The following GAS2 variants were observed in gnomAD, a reference collection of about 807,000 sequenced individuals.
GAS2 encodes the protein growth arrest-specific protein 2.
Under a neutral mutation model 37.5 loss-of-function variants are expected in GAS2, and 20 were observed. The ratio of observed to expected loss-of-function variants is 0.53; its 90% CI spans 0.37 to 0.77. GAS2 has a LOEUF of 0.77. Ranked by LOEUF, GAS2 falls within the 30% of genes least tolerant of loss-of-function variation. The pLI is 0.00. For missense variants in GAS2, 336 were observed against 373.4 expected, an observed-to-expected ratio of 0.90 and a Z score of 0.82; for synonymous variants, 144 against 132.2, an observed-to-expected ratio of 1.09 and a Z score of -0.61.
chr11:22,701,581 C>A (rs1355561895), intron 3 of GAS2, among the ~76,000 whole-genome samples: 1 of 152,162 alleles, frequency 6.6e-6, no homozygotes, highest in Non-Finnish European at 1.5e-5. Context: ...GTAATCCCAG[C>A]ACTTTGGGAG....
chr11:22,681,695 T>A (rs1257102758), intron 2 of GAS2, among the ~76,000 whole-genome samples: 2 of 152,202 alleles, frequency 1.3e-5, no homozygotes, highest in Admixed American at 1.3e-4. Context: ...AGGTGCACAA[T>A]TTAAACTAAA....
At chr11:22,694,196 G>A (rs1850385889) in intron 3 of GAS2, among the ~76,000 whole-genome samples, 1 of 152,098 alleles carries the variant, frequency 6.6e-6, no homozygotes, top group South Asian at 2.1e-4. Flanking sequence ...TTAGGGAATT[G>A]ACTTTCAATT....
chr11:22,700,965 C>T (rs1850809144), intron 3 of GAS2, among the ~76,000 whole-genome samples: 1 of 152,134 alleles, frequency 6.6e-6, no homozygotes, highest in Non-Finnish European at 1.5e-5. Flanking sequence ...TTCCCAATAA[C>T]TGCCTCTTTT....
chr11:22,678,715 G>A (rs903142497), intron 2 of GAS2, among the ~76,000 whole-genome samples: 1 of 151,772 alleles, frequency 6.6e-6, no homozygotes, highest in Admixed American at 6.6e-5. Flanking sequence ...CATATAAACT[G>A]TCTATTAAAA....
intron 3 of GAS2, among the ~76,000 whole-genome samples, chr11:22,706,996 G>A (rs968491610): frequency 1.3e-5 from 2 of 152,094 alleles, no homozygotes; most frequent in African/African-American, 4.8e-5. Context: ...TCCAGCACCT[G>A]TTGTTTCCTG....
In GAS2 at chr11:22,812,066, C is replaced by T; in HGVS notation, c.*50C>T. 1.5e-6 allele frequency: 2 copies of T among 1,326,154 alleles called. No homozygotes were observed. The highest frequency in any genetic ancestry group is 2.2e-6 in the Non-Finnish European group (2 of 919,878). 82.1% of individuals were successfully genotyped at this position (1,326,154 alleles called of 1,614,324 possible). ...CCCTCATAATGGCCTGTATCCACTT[C>T]TCCAGTATAGTCAGTTTAGTTCATA... On this transcript the variant is annotated 3_prime_UTR_variant, in exon 8 of 8. Transcript: ENST00000454584.
At chr11:22,664,927 A>G (rs1254084889), upstream of GAS2, among the ~76,000 whole-genome samples, 1 of 152,142 alleles carries the variant, frequency 6.6e-6, no homozygotes, top group Admixed American at 6.5e-5. Context: ...GAAAAAACAC[A>G]TTATTTATTT....
intron 1 of GAS2, among the ~76,000 whole-genome samples, chr11:22,673,352 A>AAT (rs1407292618): frequency 7.4e-4 from 113 of 152,346 alleles, no homozygotes; most frequent in African/African-American, 2.6e-3. Flanking sequence ...CCAAAAGGAG[A>AAT]ATATATTACT....
intron 5 of GAS2, among the ~76,000 whole-genome samples, chr11:22,741,933 T>C (rs929160037): frequency 5.9e-5 from 9 of 152,104 alleles, no homozygotes; most frequent in Admixed American, 5.2e-4. Context: ...GATCCAGATG[T>C]CTTTTGTTTG....
At chr11:22,696,394 G>T (rs1283455228) in intron 3 of GAS2, among the ~76,000 whole-genome samples, 1 of 151,928 alleles carries the variant, frequency 6.6e-6, no homozygotes, top group Non-Finnish European at 1.5e-5. Flanking sequence ...ATAGTGCCAC[G>T]ATAAACATAC....
rs1855925541 is a variant in GAS2 at position 22,788,477 on chromosome 11, CACTTGT to C, written c.724-23319_724-23314del. Among the ~76,000 whole-genome samples the C allele has an allele frequency of 2.0e-5, 3 of 152,230 alleles. No homozygotes were observed. In the South Asian group the frequency reaches 6.2e-4, roughly 32 times the overall value. On this transcript the variant is annotated intron_variant, in intron 7 of 7. Transcript: ENST00000454584. ...TTTACCCATTAGATGCCAGTGTAAG[CACTTGT>C]ATCCCTGCCCCTACTTGTGAGAACC...
At chr11:22,737,848 T>C (rs1852839035) in intron 5 of GAS2, 80 bp downstream of exon 5, 2 of 1,246,224 alleles carry the variant, frequency 1.6e-6, no homozygotes, top group African/African-American at 1.5e-5. Flanking sequence ...TGGCTTTTCA[T>C]TGCTAATGTT....
At chr11:22,804,279 T>G (rs1856794628) in intron 7 of GAS2, among the ~76,000 whole-genome samples, 1 of 152,044 alleles carries the variant, frequency 6.6e-6, no homozygotes, top group Non-Finnish European at 1.5e-5. Context: ...ATGTAACCTA[T>G]CAAGGAGGCA....
chr11:22,676,807 A>C (rs1274461620), intron 2 of GAS2, among the ~76,000 whole-genome samples: 2 of 152,138 alleles, frequency 1.3e-5, no homozygotes, highest in Non-Finnish European at 2.9e-5. Flanking sequence ...GAATGCTTTC[A>C]ATTCAAATCT....
At chr11:22,703,171 T>G (rs1439316496) in intron 3 of GAS2, among the ~76,000 whole-genome samples, 3 of 152,174 alleles carry the variant, frequency 2.0e-5, no homozygotes, top group African/African-American at 7.2e-5. Context: ...TGTTGTCCCT[T>G]GAGCATGAAA....
intron 3 of GAS2, among the ~76,000 whole-genome samples, chr11:22,724,033 A>C (rs116667937): frequency 0.011 from 1,608 of 152,038 alleles, 22 homozygotes; most frequent in African/African-American, 0.037. Context: ...CTATCAATTT[A>C]TGCATGTCCT....
At chr11:22,749,368 C>A in intron 6 of GAS2, 107 bp downstream of exon 6, 1 of 1,057,218 alleles carries the variant, frequency 9.5e-7, no homozygotes, top group Non-Finnish European at 1.3e-6. Context: ...TATCAATTTT[C>A]TTGAAATGTA....
chr11:22,702,419 A>G (rs1850888448), intron 3 of GAS2: 1 of 152,160 alleles, frequency 6.6e-6, no homozygotes, highest in Non-Finnish European at 1.5e-5. Context: ...AAATTACTTT[A>G]TGGCCTTATG....
At position 22,812,125 on chromosome 11, in the gene GAS2, G is replaced by A. The variant is rs573938480; in HGVS notation, c.*109G>A. The A allele has an allele frequency of 1.6e-5, 12 of 748,164 alleles. No individual in the cohort carries two copies. Among genetic ancestry groups the A allele is most frequent in the African/African-American group, 1.6e-4 (9 of 56,616 alleles). 46.3% of individuals were successfully genotyped at this position (748,164 alleles called of 1,614,324 possible). ...AAACTGTTTTGGAGAAAGATAGACAGAAAAATGTCATCATATTGAAAAATG... is the reference window on the plus strand; with the variant it reads ...AAACTGTTTTGGAGAAAGATAGACAAAAAAATGTCATCATATTGAAAAATG... On this transcript the variant is annotated 3_prime_UTR_variant, in exon 8 of 8. Coordinates refer to ENST00000454584, the MANE Select transcript of GAS2 (RefSeq NM_001143830.3).
Sources: allele counts gnomAD v4.1 joint callset (sites outside exome capture counted in the v4.1 genomes callset), GRCh38; gene constraint gnomAD v4.1.1; transcripts MANE v1.5; gene names NCBI Gene and HGNC (gene_info 2026-07-23, HGNC 2026-07-21).